NUP107: variants seen among roughly 807,000 people sequenced by gnomAD.
NUP107 encodes the protein nuclear pore complex protein Nup107.
In NUP107, 101 loss-of-function variants were observed where a neutral mutation model predicts 141.0. The ratio of observed to expected loss-of-function variants is 0.72; its 90% CI spans 0.61 to 0.84. The LOEUF is 0.84. NUP107 is among the 40% of genes least tolerant of loss of function. The pLI is 0.00. For missense variants in NUP107, 941 were observed against 1,102.7 expected (o/e 0.85, Z 2.08); for synonymous variants, 319 against 363.9 (o/e 0.88, Z 1.41).
At chr12:68,696,366 AT>A (rs879279488) in intron 5 of NUP107, among the ~76,000 whole-genome samples, 309 of 142,788 alleles carry the variant, frequency 2.2e-3, no homozygotes, top group Admixed American at 2.0e-3. Flanking sequence ...CTCTGTCTCA[AT>A]TTTTTTTTTT....
At chr12:68,706,498 C>T (rs1592501452) in intron 8 of NUP107, 2 of 690,388 alleles carry the variant, frequency 2.9e-6, no homozygotes, top group East Asian at 5.1e-5. Flanking sequence ...TGAGGAGCTG[C>T]AGACGCTGGC....
At position 68,715,714 on chromosome 12, in the gene NUP107, C is replaced by T; in HGVS notation, c.1057C>T (p.Leu353=). 6.2e-7 allele frequency: 1 copy of T among 1,608,558 alleles called. No individual in the cohort carries two copies. ...EVRLLKYLFT[L]IRAGMTEEAQ... is the part of the protein sequence containing the mutation. Reference sequence around the variant, plus strand: ...TAGATTACTCAAATATCTCTTTACTCTAATCCGTGCTGGAATGACAGAAGA... The same window carrying T: ...TAGATTACTCAAATATCTCTTTACTTTAATCCGTGCTGGAATGACAGAAGA... Residue 353 remains leucine (L), a synonymous_variant, in exon 12 of 28, where the codon CTA becomes TTA. Transcript: ENST00000229179.
intron 5 of NUP107, 115 bp downstream of exon 5, chr12:68,692,227 T>C: frequency 8.7e-7 from 1 of 1,143,974 alleles, no homozygotes; most frequent in Non-Finnish European, 1.2e-6. Flanking sequence ...TTTCTGTCTT[T>C]TTTTCTTGAG....
At chr12:68,688,830 A>T in intron 1 of NUP107, 132 bp from the exon 2 acceptor site, 1 of 542,508 alleles carries the variant, frequency 1.8e-6, no homozygotes, top group Non-Finnish European at 3.2e-6. Flanking sequence ...TCAACAAAAG[A>T]TCTAAGACTT....
At chr12:68,711,184 T>G (rs57297955) in intron 10 of NUP107, among the ~76,000 whole-genome samples, 29,511 of 150,904 alleles carry the variant, frequency 0.2, 3,682 homozygotes, top group South Asian at 0.47. Context: ...AACCCATCTC[T>G]ACTAAAAATA....
chr12:68,724,580 C>T (rs904958662), intron 17 of NUP107, among the ~76,000 whole-genome samples: 6 of 151,980 alleles, frequency 3.9e-5, no homozygotes, highest in African/African-American at 9.6e-5. Context: ...AGTTTGAGAC[C>T]GGCATGGACA....
intron 26 of NUP107, among the ~76,000 whole-genome samples, chr12:68,737,560 CA>C (rs757208798): frequency 2.0e-3 from 142 of 72,076 alleles, no homozygotes; most frequent in Admixed American, 3.4e-3. Context: ...GACCCTGTCT[CA>C]AAAAAAAAAA....
At position 68,732,638 on chromosome 12, in the gene NUP107, A is replaced by G; in HGVS notation, c.2000A>G (p.Glu667Gly). The change falls in exon 23 of 28, where the codon GAG becomes GGG. Residue 667 changes from glutamate (E) to glycine (G), a missense_variant and splice_region_variant. By Grantham distance (98) the Glu-to-Gly change is moderately conservative. Transcript: ENST00000229179. ...APALDTGTTE[E>G]DRLKIDVIDW... is the part of the protein sequence containing the mutation. ...CTTTTTTTCCCCTTTAATAAATAGG[A>G]GGATCGTTTAAAAATTGATGTAATT... The G allele has an allele frequency of 6.3e-7, 1 of 1,577,580 alleles. No homozygotes were observed.
intron 5 of NUP107, among the ~76,000 whole-genome samples, chr12:68,692,655 T>C (rs1269363552): frequency 6.6e-6 from 1 of 150,634 alleles, no homozygotes; most frequent in Non-Finnish European, 1.5e-5. Flanking sequence ...CAATCATGGC[T>C]CACTGCAGCC....
chr12:68,724,799 A>C (rs1192726504), intron 17 of NUP107, among the ~76,000 whole-genome samples: 1 of 151,848 alleles, frequency 6.6e-6, no homozygotes, highest in Non-Finnish European at 1.5e-5. Context: ...ACAAACAAAC[A>C]AAAAAAACCA....
intron 8 of NUP107, 25 bp from the exon 9 acceptor site, chr12:68,709,213 A>C (rs1876730226): frequency 6.9e-7 from 1 of 1,445,944 alleles, no homozygotes. Context: ...CATTCTGTTT[A>C]TCCTTTTAAT....
intron 12 of NUP107, 92 bp downstream of exon 12, chr12:68,715,832 T>C: frequency 1.5e-6 from 1 of 664,602 alleles, no homozygotes; most frequent in Non-Finnish European, 2.6e-6. Flanking sequence ...TAAGCCTTCT[T>C]AATGTAGTAA....
At chr12:68,696,766 A>G (rs1250135665) in intron 5 of NUP107, 53 bp from the exon 6 acceptor site, 9 of 921,444 alleles carry the variant, frequency 9.8e-6, no homozygotes, top group Non-Finnish European at 1.5e-5. Context: ...ATTACCTAGA[A>G]GTACGTCACT....
At chr12:68,691,842 A>T (rs75585355) in intron 4 of NUP107, 126 bp from the exon 5 acceptor site, 1 of 167,638 alleles carries the variant, frequency 6.0e-6, no homozygotes, top group Admixed American at 7.1e-5. Context: ...TCAAGAAGGG[A>T]AAAAAAAAAA....
chr12:68,729,536 C>T (rs139747033), intron 20 of NUP107, among the ~76,000 whole-genome samples: 181 of 151,244 alleles, frequency 1.2e-3, no homozygotes, highest in African/African-American at 4.1e-3. Context: ...TCTGCCTCAC[C>T]GGGGTCAAGC....
chr12:68,742,207 G>A, intron 27 of NUP107, 148 bp from the exon 28 acceptor site: 1 of 618,898 alleles, frequency 1.6e-6, no homozygotes, highest in Non-Finnish European at 2.7e-6. Context: ...TGAAATTCCT[G>A]AACCACTCTA....
intron 8 of NUP107, chr12:68,707,131 T>C: frequency 1.8e-6 from 1 of 559,084 alleles, no homozygotes; most frequent in South Asian, 2.2e-5. Flanking sequence ...GAGGCTGCTG[T>C]CCAGAGGAGC....
chr12:68,702,834 G>C, intron 8 of NUP107, 50 bp downstream of exon 8: 1 of 1,053,980 alleles, frequency 9.5e-7, no homozygotes, highest in African/African-American at 1.7e-5. Context: ...AAATTAAAAT[G>C]TTACTAATAG....
chr12:68,726,696 T>A, intron 19 of NUP107, 79 bp downstream of exon 19: 3 of 885,310 alleles, frequency 3.4e-6, no homozygotes, highest in South Asian at 1.5e-5. Context: ...CTACTTTTTT[T>A]ATTATTGTTT....
Sources: allele counts gnomAD v4.1 joint callset (sites outside exome capture counted in the v4.1 genomes callset), GRCh38; gene constraint gnomAD v4.1.1; transcripts MANE v1.5; gene names NCBI Gene and HGNC (gene_info 2026-07-23, HGNC 2026-07-21).